GNA11: variants seen among roughly 807,000 people sequenced by gnomAD.
GNA11 encodes the protein G protein subunit alpha 11.
Under a neutral mutation model 38.2 loss-of-function variants are expected in GNA11, and 8 were observed. The observed-to-expected ratio is 0.21, with a 90% CI of 0.12 to 0.38. The LOEUF (loss-of-function observed/expected upper bound fraction) is 0.38. Ranked by LOEUF, GNA11 falls within the 10% of genes least tolerant of loss-of-function variation. GNA11 has a pLI of 1.00. For missense variants in GNA11, 268 were observed against 516.3 expected, an observed-to-expected ratio of 0.52 and a Z score of 4.66; for synonymous variants, 211 against 221.4, an observed-to-expected ratio of 0.95 and a Z score of 0.42.
In GNA11 at chr19:3,121,483, A is replaced by G. The variant is rs1365064137; in HGVS notation, c.*304A>G. 2 of 257,538 alleles carry G rather than the reference A, an allele frequency of 7.8e-6. No individual in the cohort carries two copies. The highest frequency in any genetic ancestry group is 7.4e-6 in the Non-Finnish European group (1 of 134,432). The allele number at this position is 257,538 out of a possible 1,614,324, so 16.0% of individuals were successfully genotyped here. Reference sequence around the variant, plus strand: ...AAAAAAAAAAAAAGAAAGAAAGAAAAAAAGCAACGAAACATAAAACACACA... The same window carrying G: ...AAAAAAAAAAAAAGAAAGAAAGAAAGAAAGCAACGAAACATAAAACACACA... On this transcript the variant is annotated 3_prime_UTR_variant, in exon 7 of 7. Coordinates refer to ENST00000078429, the MANE Select transcript of GNA11 (RefSeq NM_002067.5).
At position 3,120,393 on chromosome 19, in the gene GNA11, C is replaced by CAGAG. The variant is rs1914038846; in HGVS notation, c.890-595_890-592dup. On this transcript the variant is annotated intron_variant, in intron 6 of 6. Transcript: ENST00000078429. This position sits in a 1 kb window ranked among gnomAD's most constrained non-coding sequence, Gnocchi z 5.9. ...CATAGACCCCTGTCCCACCAGTCCCCAGAGCAGCCCCTTGAACACCCCCAG... is the reference window on the plus strand; with the variant it reads ...CATAGACCCCTGTCCCACCAGTCCCCAGAGAGAGCAGCCCCTTGAACACCCCCAG... 6.6e-6 allele frequency among the ~76,000 whole-genome samples: 1 copy of CAGAG among 152,062 alleles called. No homozygotes were observed. Among genetic ancestry groups the CAGAG allele is most frequent in the African/African-American group, 2.4e-5 (1 of 41,418 alleles).
chr19:3,095,824 C>T (rs1020704179), intron 1 of GNA11, among the ~76,000 whole-genome samples: 12 of 152,068 alleles, frequency 7.9e-5, no homozygotes. Flanking sequence ...CCCCACCTGC[C>T]GGCTCCTCCC....
chr19:3,112,680 G>T (rs796463678), intron 2 of GNA11, among the ~76,000 whole-genome samples: 3 of 152,402 alleles, frequency 2.0e-5, no homozygotes, highest in African/African-American at 7.2e-5. Flanking sequence ...GGGGGAGGCG[G>T]CTCGTGTTGG....
intron 1 of GNA11, among the ~76,000 whole-genome samples, 161 bp from the exon 2 acceptor site, chr19:3,109,988 G>A (rs539876648): frequency 2.6e-5 from 4 of 152,216 alleles, no homozygotes; most frequent in African/African-American, 7.2e-5. Context: ...CTCTTTCCGA[G>A]GAGTCAGGAG....
Position 3,121,242 on chromosome 19 carries a change from C to A in GNA11, c.*63C>A. On this transcript the variant is annotated 3_prime_UTR_variant, in exon 7 of 7. Coordinates refer to ENST00000078429, the MANE Select transcript of GNA11 (RefSeq NM_002067.5). ...CAGGACCTTCCTTCCACGGAGCCTG[C>A]GGCTGCCGGGCGGGTGGCGCTGCCG... 5.1e-6 allele frequency: 7 copies of A among 1,360,314 alleles called. No homozygotes were observed. The highest frequency in any genetic ancestry group is 7.2e-6 in the Non-Finnish European group (7 of 978,920). The allele number at this position is 1,360,314 out of a possible 1,614,324, so 84.3% of individuals were successfully genotyped here. A position where few individuals can be genotyped will look rare whatever the true frequency, so the allele number is the denominator to read the frequency against.
At position 3,110,413 on chromosome 19, in the gene GNA11, G is replaced by A. The variant is rs978950936; in HGVS notation, c.321+80G>A. ...GTGAGCATGGTGGCCGCGCTGCCAG[G>A]GTGGGGCCATGCCGGGGGTCCCGGC... On this transcript the variant is annotated intron_variant, in intron 2 of 6. Coordinates refer to ENST00000078429, the MANE Select transcript of GNA11 (RefSeq NM_002067.5). The surrounding 1 kb of genome is among the most constrained non-coding windows in gnomAD (Gnocchi z 5.4). The A allele has an allele frequency of 6.7e-6, 8 of 1,199,532 alleles. No homozygotes were observed. In the African/African-American group the frequency reaches 1.2e-4, roughly 18 times the overall value. The allele number at this position is 1,199,532 out of a possible 1,614,324, so 74.3% of individuals were successfully genotyped here.
chr19:3,108,748 C>G lies in GNA11; in HGVS notation c.137-1401C>G, dbSNP rs956169672. Reference sequence around the variant, plus strand: ...TCTGAGGGTTGGGAATGTGGGAGCACTTTGTTGAGTGATCCTGGCTTGGGG... The same window carrying G: ...TCTGAGGGTTGGGAATGTGGGAGCAGTTTGTTGAGTGATCCTGGCTTGGGG... On this transcript the variant is annotated intron_variant, in intron 1 of 6. Transcript: ENST00000078429. The surrounding 1 kb of genome is among the most constrained non-coding windows in gnomAD (Gnocchi z 4.5). Among the ~76,000 whole-genome samples the G allele has an allele frequency of 5.3e-5, 8 of 152,174 alleles. No homozygotes were observed. Among genetic ancestry groups the G allele is most frequent in the Admixed American group, 5.2e-4 (8 of 15,282 alleles).
chr19:3,113,181 G>A, intron 2 of GNA11, 149 bp from the exon 3 acceptor site: 1 of 702,248 alleles, frequency 1.4e-6, no homozygotes, highest in Non-Finnish European at 2.4e-6. Context: ...TCTGACACGT[G>A]TTCACACGGA....
rs1427770099 is a variant in GNA11, at chr19:3,119,486, T to G, written c.889+127T>G. 4.2e-6 allele frequency: 3 copies of G among 716,784 alleles called. No homozygotes were observed. In the East Asian group the frequency reaches 8.2e-5, roughly 20 times the overall value. 44.4% of individuals were successfully genotyped at this position (716,784 alleles called of 1,614,324 possible). On this transcript the variant is annotated intron_variant, in intron 6 of 6. Transcript: ENST00000078429. This position sits in a 1 kb window ranked among gnomAD's most constrained non-coding sequence, Gnocchi z 4.6. ...GGAGGGCGTCTGATGGGAGGTGTCA[T>G]GTATGGGAGTGGAGTCTCAGGGAAG...
At position 3,115,384 on chromosome 19, in the gene GNA11, G is replaced by A. The variant is rs4807402; in HGVS notation, c.605+312G>A. On this transcript the variant is annotated intron_variant, in intron 4 of 6. Coordinates refer to ENST00000078429, the MANE Select transcript of GNA11 (RefSeq NM_002067.5). ...GGCACCACTGGACTCCAGCCTGGGC[G>A]ACAGAGGGAGACCCTGTTTCGTCTT... 0.012 allele frequency: 3,638 copies of A among 294,610 alleles called. 97 individuals are homozygous for A. Among genetic ancestry groups the A allele is most frequent in the African/African-American group, 0.053 (2,401 of 45,486 alleles). The allele number at this position is 294,610 out of a possible 1,614,324, so 18.2% of individuals were successfully genotyped here. A position where few individuals can be genotyped will look rare whatever the true frequency, so the allele number is the denominator to read the frequency against.
chr19:3,094,849 G>A lies in GNA11; in HGVS notation c.136+62G>A, dbSNP rs916729617. 38 of 1,300,184 alleles carry A rather than the reference G, an allele frequency of 2.9e-5. No individual in the cohort carries two copies. The highest frequency in any genetic ancestry group is 3.6e-5 in the Non-Finnish European group (35 of 983,438). The allele number at this position is 1,300,184 out of a possible 1,614,324, so 80.5% of individuals were successfully genotyped here. A position where few individuals can be genotyped will look rare whatever the true frequency, so the allele number is the denominator to read the frequency against. On this transcript the variant is annotated intron_variant, in intron 1 of 6. Coordinates refer to ENST00000078429, the MANE Select transcript of GNA11 (RefSeq NM_002067.5). This position sits in a 1 kb window ranked among gnomAD's most constrained non-coding sequence, Gnocchi z 6.0. ...TGCCCTGCCTGTGCCTGCCCTGCCT[G>A]TCCGGGTCGGGCCGGGACCCTCCGG...
chr19:3,106,077 G>T (rs1480743308), intron 1 of GNA11, among the ~76,000 whole-genome samples: 1 of 152,230 alleles, frequency 6.6e-6, no homozygotes, highest in Non-Finnish European at 1.5e-5. Context: ...CTTTCAGGTG[G>T]AGTGTGGCTG....
At chr19:3,102,912 C>G (rs756413152) in intron 1 of GNA11, among the ~76,000 whole-genome samples, 1 of 152,232 alleles carries the variant, frequency 6.6e-6, no homozygotes, top group Non-Finnish European at 1.5e-5. Context: ...TGCCACCACC[C>G]GCCTTCTCAT....
At chr19:3,113,797 G>C (rs1031008490) in intron 3 of GNA11, among the ~76,000 whole-genome samples, 2 of 152,278 alleles carry the variant, frequency 1.3e-5, no homozygotes, top group South Asian at 4.1e-4. Context: ...TGTGGCCTGT[G>C]GGGGAAACCC....
chr19:3,096,135 G>T (rs1913357853), intron 1 of GNA11, among the ~76,000 whole-genome samples: 1 of 152,116 alleles, frequency 6.6e-6, no homozygotes. Context: ...GTTGTGTGGG[G>T]AACACGTTGC....
At chr19:3,111,329 C>G (rs1000695914) in intron 2 of GNA11, among the ~76,000 whole-genome samples, 3 of 152,220 alleles carry the variant, frequency 2.0e-5, no homozygotes, top group African/African-American at 7.2e-5. Flanking sequence ...ACTCCCACCC[C>G]CTCCTCCAGC....
In GNA11 at chr19:3,123,316, G is replaced by A. The variant is rs1458087595; in HGVS notation, c.*2137G>A. ...GCCGGGCTGGGACCGCCAAAACGTCGTGGCCTGGATCCTCTGGGTCTGAGT... is the reference window on the plus strand; with the variant it reads ...GCCGGGCTGGGACCGCCAAAACGTCATGGCCTGGATCCTCTGGGTCTGAGT... On this transcript the variant is annotated 3_prime_UTR_variant, in exon 7 of 7. Transcript: ENST00000078429. The A allele has an allele frequency of 2.6e-5, 6 of 233,374 alleles. No homozygotes were observed. In the East Asian group the frequency reaches 3.0e-4, roughly 12 times the overall value. The allele number at this position is 233,374 out of a possible 1,614,324, so 14.5% of individuals were successfully genotyped here. A position where few individuals can be genotyped will look rare whatever the true frequency, so the allele number is the denominator to read the frequency against.
Position 3,121,289 on chromosome 19 carries a change from C to T in GNA11, c.*110C>T. On this transcript the variant is annotated 3_prime_UTR_variant, in exon 7 of 7. Coordinates refer to ENST00000078429, the MANE Select transcript of GNA11 (RefSeq NM_002067.5). Reference sequence around the variant, plus strand: ...GCCGAGTCCGGGCCGGGGCCTCTGCCCGCGGGAGGAGATTTTTTTTTTTCA... The same window carrying T: ...GCCGAGTCCGGGCCGGGGCCTCTGCTCGCGGGAGGAGATTTTTTTTTTTCA... 1.4e-6 allele frequency: 1 copy of T among 714,632 alleles called. No homozygotes were observed. The highest frequency in any genetic ancestry group is 2.3e-6 in the Non-Finnish European group (1 of 428,630). 44.3% of individuals were successfully genotyped at this position (714,632 alleles called of 1,614,324 possible).
intron 1 of GNA11, among the ~76,000 whole-genome samples, chr19:3,098,995 C>T (rs1028485166): frequency 6.6e-6 from 1 of 152,200 alleles, no homozygotes; most frequent in African/African-American, 2.4e-5. Flanking sequence ...CGTGGAGCTT[C>T]CTCCCGAGCC....
Sources: allele counts gnomAD v4.1 joint callset (sites outside exome capture counted in the v4.1 genomes callset), GRCh38; gene constraint gnomAD v4.1.1; non-coding constraint Gnocchi (gnomAD v3.1); transcripts MANE v1.5; gene names NCBI Gene and HGNC (gene_info 2026-07-23, HGNC 2026-07-21).